Variants in LARGE1 observed in about 807,000 individuals in gnomAD.
LARGE1 encodes LARGE xylosyl- and glucuronyltransferase 1.
In LARGE1, 43 loss-of-function variants were observed where a neutral mutation model predicts 87.6. The observed-to-expected ratio is 0.49, with a 90% CI of 0.38 to 0.63. The LOEUF (loss-of-function observed/expected upper bound fraction) is 0.63, where lower values mean the gene tolerates loss of function less well. Among genes scored for constraint, LARGE1 ranks in the 30% least tolerant of loss-of-function variants. LARGE1 has a pLI of 0.00. For missense variants in LARGE1, 802 were observed against 1,000.2 expected (o/e 0.80, Z 2.67); for synonymous variants, 434 against 394.6 (o/e 1.10, Z -1.18).
chr22:33,842,151 T>C (rs987052680), intron 1 of LARGE1, among the ~76,000 whole-genome samples: 1 of 152,138 alleles, frequency 6.6e-6, no homozygotes, highest in African/African-American at 2.4e-5. Context: ...TACTCAAAAG[T>C]AAAATCGAAA....
At chr22:33,798,975 AAAC>A (rs1355673303) in intron 1 of LARGE1, among the ~76,000 whole-genome samples, 1 of 152,146 alleles carries the variant, frequency 6.6e-6, no homozygotes, top group African/African-American at 2.4e-5. Context: ...ATCCCATTAA[AAAC>A]AACAACACTG....
At chr22:33,150,848 T>C in the LARGE1 span, among the ~76,000 whole-genome samples, 5 of 152,238 alleles carry the variant, frequency 3.3e-5, no homozygotes, top group Admixed American at 1.3e-4. Context: ...TTGATTACTA[T>C]AGCTATATAG....
At chr22:33,124,395 A>AGGAAGGAAGGAAGGAAGGAAAGAAGG in the LARGE1 span, among the ~76,000 whole-genome samples, 63 of 148,014 alleles carry the variant, frequency 4.3e-4, no homozygotes, top group Non-Finnish European at 6.2e-4. Context: ...GGAGGAAGGA[A>AGGAAGGAAGGAAGGAAGGAAAGAAGG]AATGATGGCT....
intron 1 of LARGE1, among the ~76,000 whole-genome samples, chr22:33,851,997 A>T (rs544556145): frequency 6.6e-6 from 1 of 152,126 alleles, no homozygotes; most frequent in Non-Finnish European, 1.5e-5. Context: ...TCTATTACCA[A>T]CATAGAGTGA....
intron 4 of LARGE1, among the ~76,000 whole-genome samples, chr22:33,609,935 G>A (rs752682662): frequency 6.6e-6 from 1 of 151,770 alleles, no homozygotes; most frequent in African/African-American, 2.4e-5. Flanking sequence ...ACTTTCTCTT[G>A]CTCCCACTCT....
At chr22:33,327,166 T>C (rs750804322) in intron 10 of LARGE1, among the ~76,000 whole-genome samples, 3 of 152,228 alleles carry the variant, frequency 2.0e-5, no homozygotes, top group African/African-American at 4.8e-5. Context: ...TCTTGCAGGG[T>C]GATGCCATAC....
chr22:33,863,717 G>A (rs1012190044), intron 1 of LARGE1, among the ~76,000 whole-genome samples: 222 of 151,462 alleles, frequency 1.5e-3, no homozygotes, highest in African/African-American at 5.1e-3. Context: ...GCAGTGAGCC[G>A]ACATTGCGCC....
At chr22:33,294,913 G>C (rs183124674) in intron 12 of LARGE1, among the ~76,000 whole-genome samples, 1 of 152,160 alleles carries the variant, frequency 6.6e-6, no homozygotes, top group Non-Finnish European at 1.5e-5. Flanking sequence ...GAGTTGACAC[G>C]ATAGCTCTGC....
intron 6 of LARGE1, 44 bp downstream of exon 6, chr22:33,564,804 T>C (rs1178820157): frequency 1.9e-6 from 3 of 1,605,812 alleles, no homozygotes; most frequent in Non-Finnish European, 2.6e-6. Flanking sequence ...GGCATGCTGA[T>C]ACCTACAAGG....
At chr22:33,677,552 C>A (rs966010822) in intron 2 of LARGE1, among the ~76,000 whole-genome samples, 1 of 152,132 alleles carries the variant, frequency 6.6e-6, no homozygotes, top group African/African-American at 2.4e-5. Flanking sequence ...CCTTCTTTCT[C>A]CTTCTCTCTT....
rs1055300197 is a variant in LARGE1, at chr22:33,237,484, TAAG to T, written c.1730+66742_1730+66744del. ...AATGAATGTTTATGAGCTCATGTAA[TAAG>T]AAGAATTACTCCCCCTGAAAAAAAA... is the stretch of plus-strand genomic sequence containing the variant. On this transcript the variant is annotated intron_variant, in intron 11 of 11. Transcript: ENST00000608642. Among the ~76,000 whole-genome samples, 16 of 151,726 alleles carry T rather than the reference TAAG, an allele frequency of 1.1e-4. No individual in the cohort carries two copies. In the South Asian group the frequency reaches 1.9e-3, roughly 18 times the overall value.
intron 11 of LARGE1, among the ~76,000 whole-genome samples, chr22:33,178,248 T>G (rs748768382): frequency 3.9e-5 from 6 of 152,176 alleles, no homozygotes; most frequent in South Asian, 2.1e-4. Context: ...AGTTTTCCTT[T>G]GTCATGAAGC....
chr22:33,830,596 T>C (rs2062937070), intron 1 of LARGE1, among the ~76,000 whole-genome samples: 1 of 152,196 alleles, frequency 6.6e-6, no homozygotes, highest in Admixed American at 6.5e-5. Flanking sequence ...ACTCCTACGG[T>C]TACTGTGAGA....
chr22:33,466,725 C>CACACACACACA (rs1290873508), intron 6 of LARGE1, among the ~76,000 whole-genome samples: 61 of 151,736 alleles, frequency 4.0e-4, no homozygotes, highest in African/African-American at 1.5e-3. Flanking sequence ...TACACACACA[C>CACACACACACA]ACTACACACA....
chr22:33,520,750 C>G (rs540758463), intron 6 of LARGE1, among the ~76,000 whole-genome samples: 1 of 152,206 alleles, frequency 6.6e-6, no homozygotes, highest in African/African-American at 2.4e-5. Flanking sequence ...GTGCAAAACA[C>G]GAGCTGCTGT....
At chr22:33,372,528 T>G (rs1001302788) in intron 9 of LARGE1, among the ~76,000 whole-genome samples, 5 of 151,550 alleles carry the variant, frequency 3.3e-5, no homozygotes, top group African/African-American at 1.2e-4. Flanking sequence ...CAAGACAGAG[T>G]GAGAGCCAAG....
exon 12 of LARGE1, chr22:33,166,679 T>C (rs1316593178): frequency 4.3e-6 from 2 of 463,634 alleles, no homozygotes; most frequent in Non-Finnish European, 9.0e-6. Flanking sequence ...GCTTCAACGT[T>C]GAGCCGTTCC....
At chr22:33,458,852 C>T (rs2068249735) in intron 6 of LARGE1, among the ~76,000 whole-genome samples, 1 of 152,112 alleles carries the variant, frequency 6.6e-6, no homozygotes, top group Non-Finnish European at 1.5e-5. Flanking sequence ...AACACGAGAA[C>T]ATGAAAATAA....
intron 6 of LARGE1, among the ~76,000 whole-genome samples, chr22:33,521,600 T>C (rs574265353): frequency 2.0e-5 from 3 of 152,320 alleles, no homozygotes; most frequent in South Asian, 2.1e-4. Context: ...GAAGTGGACA[T>C]AGATGCCTCC....
Sources: gnomAD v4.1 joint callset for allele counts (sites outside exome capture counted in the v4.1 genomes callset) on GRCh38, gnomAD v4.1.1 for gene constraint, MANE v1.5 for transcripts, NCBI Gene and HGNC (gene_info 2026-07-23, HGNC 2026-07-21) for gene names.